SLC26A8: variants seen among roughly 807,000 people sequenced by gnomAD.
SLC26A8 encodes the protein solute carrier family 26 member 8, also known as testis anion transporter 1.
Under a neutral mutation model 105.0 loss-of-function variants are expected in SLC26A8, and 70 were observed. The observed-to-expected ratio is 0.67, with a 90% confidence interval of 0.55 to 0.81. The LOEUF (loss-of-function observed/expected upper bound fraction) is 0.81. Among genes scored for constraint, SLC26A8 ranks in the 40% least tolerant of loss-of-function variants. The pLI is 0.00. For synonymous variants in SLC26A8, 415 were observed against 438.3 expected (o/e 0.95, Z 0.66); for missense variants, 998 against 1,181.8 (o/e 0.84, Z 2.28).
intron 11 of SLC26A8, among the ~76,000 whole-genome samples, chr6:35,963,230 C>T (rs546497395): frequency 1.3e-5 from 2 of 152,264 alleles, no homozygotes; most frequent in South Asian, 2.1e-4. Context: ...ACCTGATGAC[C>T]ATCTGACAGG....
chr6:36,018,494 T>C (rs1407665120), intron 2 of SLC26A8, among the ~76,000 whole-genome samples: 3 of 151,898 alleles, frequency 2.0e-5, no homozygotes, highest in East Asian at 3.9e-4. Context: ...AGAAGAGAGG[T>C]TACTTGGGCT....
chr6:35,961,075 A>G lies in SLC26A8; in HGVS notation c.1486T>C (p.Ser496Pro), dbSNP rs769977831. ...DCALWMMTFS[S>P]SIFLGLDIGL... is the part of the protein sequence containing the mutation. ...ATGTCCAGTCCCAGGAAAATTGAAG[A>G]TGAGAATGTCATCATCCAAAGAGCC... The change falls in exon 13 of 20, where the codon TCT becomes CCT. Residue 496 changes from serine (S) to proline (P), a missense_variant. Ser to Pro is a moderately conservative substitution (Grantham distance 74). Transcript: ENST00000490799. 1 of 1,614,094 alleles carries G rather than the reference A, an allele frequency of 6.2e-7. No homozygotes were observed. The highest frequency in any genetic ancestry group is 1.1e-5 in the South Asian group (1 of 91,084).
intron 8 of SLC26A8, among the ~76,000 whole-genome samples, chr6:35,980,420 A>G (rs1773223623): frequency 6.6e-6 from 1 of 152,270 alleles, no homozygotes; most frequent in African/African-American, 2.4e-5. Flanking sequence ...TAATTTAAAC[A>G]TGGGAAGCCT....
Position 35,950,197 on chromosome 6 carries a change from T to C in SLC26A8, c.2472+966A>G, listed in dbSNP as rs546725954. Among the ~76,000 whole-genome samples, 6 of 152,342 alleles carry C rather than the reference T, an allele frequency of 3.9e-5. No homozygotes were observed. The East Asian group carries it at 1.2e-3, about 29-fold the overall frequency. On this transcript the variant is annotated intron_variant, in intron 19 of 19. Coordinates refer to ENST00000490799, the MANE Select transcript of SLC26A8 (RefSeq NM_052961.4). Reference sequence around the variant, plus strand: ...CATTAGATAATATTAGATAATATTTTAGTGCCCATCTGTTTTAATTTCCTT... The same window carrying C: ...CATTAGATAATATTAGATAATATTTCAGTGCCCATCTGTTTTAATTTCCTT...
Position 36,019,716 on chromosome 6 carries a change from G to A in SLC26A8, c.-2-7C>T. On this transcript the variant is annotated splice_region_variant and splice_polypyrimidine_tract_variant and intron_variant, in intron 1 of 19. Coordinates refer to ENST00000490799, the MANE Select transcript of SLC26A8 (RefSeq NM_052961.4). ...CTCTCTAGTTGTGCCATTCCTGGAT[G>A]AGTGGAAAGAGAGCAAATAAAAGAG... The A allele has an allele frequency of 2.5e-6, 4 of 1,596,054 alleles. No individual in the cohort carries two copies. The highest frequency in any genetic ancestry group is 1.1e-5 in the South Asian group (1 of 88,788).
chr6:35,948,233 A>G (rs748092723), intron 19 of SLC26A8, among the ~76,000 whole-genome samples: 1 of 152,218 alleles, frequency 6.6e-6, no homozygotes, highest in African/African-American at 2.4e-5. Context: ...TTGAAATAGA[A>G]CACTGATGAC....
intron 9 of SLC26A8, among the ~76,000 whole-genome samples, chr6:35,976,238 A>T (rs1773017095): frequency 1.3e-5 from 2 of 151,914 alleles, no homozygotes; most frequent in Admixed American, 6.6e-5. Context: ...AGTCTGGCCA[A>T]CGTGGTGAAA....
At chr6:35,959,381 A>ATTT in intron 16 of SLC26A8, 79 bp downstream of exon 16, 2 of 1,360,666 alleles carry the variant, frequency 1.5e-6, no homozygotes, top group Non-Finnish European at 2.0e-6. Flanking sequence ...AGAGGTTTTG[A>ATTT]TTTTTTTTTT....
intron 16 of SLC26A8, among the ~76,000 whole-genome samples, chr6:35,959,031 C>A (rs1231801805): frequency 1.3e-5 from 2 of 152,192 alleles, no homozygotes; most frequent in Non-Finnish European, 2.9e-5. Flanking sequence ...CATCAGGAGA[C>A]CCTGGCAGAT....
At position 35,962,584 on chromosome 6, in the gene SLC26A8, G is replaced by A. The variant is rs1223488359; in HGVS notation, c.1403C>T (p.Pro468Leu). ...TAGGTTAGAAATGGTTTCAAGGTAGGGAATGACGTTGCTCAGAATAATACC... is the reference window on the plus strand; with the variant it reads ...TAGGTTAGAAATGGTTTCAAGGTAGAGAATGACGTTGCTCAGAATAATACC... ...LAGIILSNVI[P>L]YLETISNLPS... The change falls in exon 12 of 20, where the codon CCC (proline) becomes CTC (leucine). Residue 468 changes from proline (P) to leucine (L), a missense_variant. By Grantham distance (98) the Pro-to-Leu change is moderately conservative. Coordinates refer to ENST00000490799, the MANE Select transcript of SLC26A8 (RefSeq NM_052961.4). 6.2e-7 allele frequency: 1 copy of A among 1,614,014 alleles called. No individual in the cohort carries two copies. The highest frequency in any genetic ancestry group is 8.5e-7 in the Non-Finnish European group (1 of 1,180,038).
rs1193655332 is a variant in SLC26A8, at chr6:35,981,774, G to A, written c.1025+347C>T. On this transcript the variant is annotated intron_variant, in intron 8 of 19. Coordinates refer to ENST00000490799, the MANE Select transcript of SLC26A8 (RefSeq NM_052961.4). This position sits in a 1 kb window ranked among gnomAD's most constrained non-coding sequence, Gnocchi z 4.0. ...CCACAGGAGAGAGGCTAGAAAAACC[G>A]AGGCATCTCTTGTCCACCCCTTGAG... Among the ~76,000 whole-genome samples the A allele has an allele frequency of 2.6e-5, 4 of 152,180 alleles. No individual in the cohort carries two copies. The highest frequency in any genetic ancestry group is 2.1e-4 in the South Asian group (1 of 4,834).
intron 1 of SLC26A8, among the ~76,000 whole-genome samples, chr6:36,020,275 T>A (rs1383894156): frequency 6.6e-6 from 1 of 152,238 alleles, no homozygotes; most frequent in Non-Finnish European, 1.5e-5. Context: ...GGACTGTGAC[T>A]ATTCACAGTT....
Position 35,982,034 on chromosome 6 carries a change from T to C in SLC26A8, c.1025+87A>G, listed in dbSNP as rs1322894783. ...TTTTGCTTTGGCCAGAGACTGCTAG[T>C]AGAAAATATCAATCAGGCTGTGTGG... On this transcript the variant is annotated intron_variant, in intron 8 of 19. Coordinates refer to ENST00000490799, the MANE Select transcript of SLC26A8 (RefSeq NM_052961.4). 7 of 1,384,758 alleles carry C rather than the reference T, an allele frequency of 5.1e-6. No homozygotes were observed. In the East Asian group the frequency reaches 9.2e-5, roughly 18 times the overall value. The allele number at this position is 1,384,758 out of a possible 1,614,324, so 85.8% of individuals were successfully genotyped here.
intron 14 of SLC26A8, chr6:35,960,579 C>T (rs1030524638): frequency 7.5e-6 from 3 of 397,358 alleles, no homozygotes; most frequent in East Asian, 4.2e-5. Flanking sequence ...TTGCTTGAAC[C>T]TGGCAGGTGG....
At chr6:36,007,946 A>C (rs924779737) in intron 3 of SLC26A8, among the ~76,000 whole-genome samples, 3 of 151,676 alleles carry the variant, frequency 2.0e-5, no homozygotes, top group Non-Finnish European at 2.9e-5. Context: ...CGGTGAAACC[A>C]CGTGTCTACT....
At chr6:35,963,362 A>C (rs1251459767) in intron 11 of SLC26A8, among the ~76,000 whole-genome samples, 1 of 152,026 alleles carries the variant, frequency 6.6e-6, no homozygotes, top group Admixed American at 6.5e-5. Flanking sequence ...TTTTCTATAC[A>C]TCTCTGGAAT....
chr6:35,977,321 G>A lies in SLC26A8; in HGVS notation c.1056C>T (p.Ser352=). 1 of 1,613,962 alleles carries A rather than the reference G, an allele frequency of 6.2e-7. No individual in the cohort carries two copies. Among genetic ancestry groups the A allele is most frequent in the South Asian group, 1.1e-5 (1 of 91,042 alleles). Residue 352 remains serine, a synonymous_variant, in exon 9 of 20, where the codon AGC becomes AGT. Transcript: ENST00000490799. ...SFLLPVTPDF[S]LLPKIILQAF... is the part of the protein sequence containing the mutation. ...CTTGTAAAATTATCTTGGGAAGAAG[G>A]CTGAAATCTGGTGTTACAGGAAGCA...
At chr6:36,023,177 C>CCATCCATT (rs1261974434) in intron 1 of SLC26A8, among the ~76,000 whole-genome samples, 2 of 151,088 alleles carry the variant, frequency 1.3e-5, no homozygotes, top group Non-Finnish European at 3.0e-5. Flanking sequence ...ATCCATCCAT[C>CCATCCATT]CATCCATCCA....
At chr6:36,023,175 A>ATCCATCCATCCATCCATCCT in intron 1 of SLC26A8, among the ~76,000 whole-genome samples, 1 of 150,794 alleles carries the variant, frequency 6.6e-6, no homozygotes, top group Non-Finnish European at 1.5e-5. Flanking sequence ...CCATCCATCC[A>ATCCATCCATCCATCCATCCT]TCCATCCATC....
Sources: gnomAD v4.1 joint callset for allele counts (sites outside exome capture counted in the v4.1 genomes callset) on GRCh38, gnomAD v4.1.1 for gene constraint, Gnocchi (gnomAD v3.1) non-coding constraint, MANE v1.5 for transcripts, NCBI Gene and HGNC (gene_info 2026-07-23, HGNC 2026-07-21) for gene names.